TM9SF3: variants seen among roughly 807,000 people sequenced by gnomAD.
The protein encoded by TM9SF3 is transmembrane 9 superfamily member 3.
In TM9SF3, 14 loss-of-function variants were observed where a neutral mutation model predicts 78.6. That is an observed-to-expected ratio of 0.18 (90% CI 0.12 to 0.28). The LOEUF is 0.28. Among genes scored for constraint, TM9SF3 ranks in the 10% least tolerant of loss-of-function variants. The pLI, the probability that TM9SF3 is intolerant of heterozygous loss-of-function variation, is 1.00. For missense variants in TM9SF3, 496 were observed against 721.9 expected, an observed-to-expected ratio of 0.69 and a Z score of 3.59; for synonymous variants, 231 against 241.7, an observed-to-expected ratio of 0.96 and a Z score of 0.41.
intron 1 of TM9SF3, among the ~76,000 whole-genome samples, chr10:96,586,056 A>G (rs1026593829): frequency 2.6e-5 from 4 of 152,196 alleles, no homozygotes; most frequent in African/African-American, 9.7e-5. Context: ...CCTTAGTTAG[A>G]GACTATCGGG....
At chr10:96,574,583 C>A (rs11188835) in intron 2 of TM9SF3, among the ~76,000 whole-genome samples, 134,502 of 152,218 alleles carry the variant, frequency 0.88, 59,508 homozygotes, top group East Asian at 0.99. Flanking sequence ...GCATATACCC[C>A]AAAAATTATA....
At chr10:96,569,948 C>T (rs866934613) in intron 2 of TM9SF3, among the ~76,000 whole-genome samples, 1 of 152,036 alleles carries the variant, frequency 6.6e-6, no homozygotes, top group Non-Finnish European at 1.5e-5. Flanking sequence ...AGGAGAATCG[C>T]GTGAGGTTGC....
chr10:96,575,301 G>C (rs1271493060), intron 2 of TM9SF3, among the ~76,000 whole-genome samples: 1 of 152,038 alleles, frequency 6.6e-6, no homozygotes, highest in Non-Finnish European at 1.5e-5. Context: ...TCTAGTTTAA[G>C]TTTTCTTGTT....
At chr10:96,584,363 C>A (rs1848606904) in intron 1 of TM9SF3, among the ~76,000 whole-genome samples, 1 of 152,094 alleles carries the variant, frequency 6.6e-6, no homozygotes, top group East Asian at 1.9e-4. Context: ...AATAGGAATG[C>A]CTAGTTTTTG....
At chr10:96,573,153 T>C (rs539576161) in intron 2 of TM9SF3, among the ~76,000 whole-genome samples, 2 of 152,306 alleles carry the variant, frequency 1.3e-5, no homozygotes, top group East Asian at 1.9e-4. Flanking sequence ...ATTCAAGAGA[T>C]GAAAGATTAA....
chr10:96,564,465 T>C (rs1848347150), intron 3 of TM9SF3, among the ~76,000 whole-genome samples: 1 of 152,216 alleles, frequency 6.6e-6, no homozygotes, highest in Admixed American at 6.5e-5. Context: ...ATATACTAAC[T>C]ACATATACCT....
chr10:96,536,780 T>C (rs1450634632), intron 9 of TM9SF3, among the ~76,000 whole-genome samples: 4 of 152,192 alleles, frequency 2.6e-5, no homozygotes, highest in Non-Finnish European at 5.9e-5. Context: ...CATTTTTCTC[T>C]TCCTTATGAT....
intron 4 of TM9SF3, chr10:96,560,149 T>A: frequency 1.3e-6 from 1 of 753,004 alleles, no homozygotes; most frequent in East Asian, 2.6e-5. Flanking sequence ...TATCTCCGTC[T>A]GCCTTCTTTC....
intron 11 of TM9SF3, among the ~76,000 whole-genome samples, chr10:96,529,375 T>C (rs1847871987): frequency 6.6e-6 from 1 of 152,118 alleles, no homozygotes; most frequent in Non-Finnish European, 1.5e-5. Context: ...AAAGGATGTG[T>C]GGTTACTATA....
intron 9 of TM9SF3, among the ~76,000 whole-genome samples, chr10:96,540,399 A>G (rs1371590688): frequency 6.6e-6 from 1 of 152,198 alleles, no homozygotes; most frequent in Non-Finnish European, 1.5e-5. Context: ...TTATTCAAAC[A>G]TTACTTAATG....
At chr10:96,523,974 G>A (rs986287044) in intron 14 of TM9SF3, among the ~76,000 whole-genome samples, 11 of 151,730 alleles carry the variant, frequency 7.2e-5, no homozygotes, top group Admixed American at 6.6e-5. Context: ...CTTTCAGGGA[G>A]AGACATATAC....
At chr10:96,553,609 G>T (rs1313942954) in intron 5 of TM9SF3, among the ~76,000 whole-genome samples, 2 of 150,820 alleles carry the variant, frequency 1.3e-5, no homozygotes, top group Admixed American at 6.6e-5. Context: ...TGGCTGCCAT[G>T]GACTTAGGTC....
intron 7 of TM9SF3, among the ~76,000 whole-genome samples, chr10:96,548,860 A>T (rs1848132759): frequency 6.6e-6 from 1 of 152,124 alleles, no homozygotes; most frequent in South Asian, 2.1e-4. Context: ...CGATTTTAAA[A>T]AAGTCTATAG....
At chr10:96,527,898 GA>G (rs572877538) in intron 12 of TM9SF3, 132 bp downstream of exon 12, 12 of 872,440 alleles carry the variant, frequency 1.4e-5, no homozygotes, top group South Asian at 1.0e-4. Context: ...TTTATAACTG[GA>G]AAAAAATCCC....
intron 2 of TM9SF3, among the ~76,000 whole-genome samples, chr10:96,573,795 G>A (rs1183393217): frequency 1.3e-5 from 2 of 152,106 alleles, no homozygotes; most frequent in African/African-American, 4.8e-5. Flanking sequence ...TGTGATCTTT[G>A]ACAAACCTGA....
chr10:96,586,931 C>CCACGGGGCGCGGACAGACG lies in TM9SF3; in HGVS notation c.-115_-97dup, dbSNP rs1469796010. The CCACGGGGCGCGGACAGACG allele has an allele frequency of 4.9e-6, 5 of 1,015,054 alleles. No homozygotes were observed. Among genetic ancestry groups the CCACGGGGCGCGGACAGACG allele is most frequent in the African/African-American group, 1.7e-5 (1 of 58,196 alleles). The allele number at this position is 1,015,054 out of a possible 1,614,324, so 62.9% of individuals were successfully genotyped here. Reference sequence around the variant, plus strand: ...CGCCTCCGCCGCGGCCGATTCGCATCCACGGGGCGCGGACAGACGCACGGG... The same window carrying CCACGGGGCGCGGACAGACG: ...CGCCTCCGCCGCGGCCGATTCGCATCCACGGGGCGCGGACAGACGCACGGGGCGCGGACAGACGCACGGG... On this transcript the variant is annotated 5_prime_UTR_variant, in exon 1 of 15. Transcript: ENST00000371142.
chr10:96,554,183 C>T lies in TM9SF3; in HGVS notation c.661-1124G>A, dbSNP rs569409717. On this transcript the variant is annotated intron_variant, in intron 5 of 14. Transcript: ENST00000371142. ...AAAGGTAAAGCAAATAGTATAGTGC[C>T]TGGCACATCATAAACACTAAATAAA... is the stretch of plus-strand genomic sequence containing the variant. 3.3e-5 allele frequency among the ~76,000 whole-genome samples: 5 copies of T among 152,284 alleles called. No homozygotes were observed. In the South Asian group the frequency reaches 1.0e-3, roughly 32 times the overall value.
At chr10:96,549,848 T>C (rs1050355616) in intron 7 of TM9SF3, among the ~76,000 whole-genome samples, 2 of 142,502 alleles carry the variant, frequency 1.4e-5, no homozygotes, top group Admixed American at 7.0e-5. Context: ...AGCTGCCGAA[T>C]TGTAACACTA....
chr10:96,527,598 T>G (rs1360838984), intron 12 of TM9SF3, 102 bp from the exon 13 acceptor site: 11 of 895,856 alleles, frequency 1.2e-5, no homozygotes, highest in Non-Finnish European at 1.8e-5. Flanking sequence ...TTTAAAGTCC[T>G]TTAAAACTTA....
Sources: allele counts gnomAD v4.1 joint callset (sites outside exome capture counted in the v4.1 genomes callset), GRCh38; gene constraint gnomAD v4.1.1; transcripts MANE v1.5; gene names NCBI Gene and HGNC (gene_info 2026-07-23, HGNC 2026-07-21).